Variants in CTNNA3 observed in about 807,000 individuals in gnomAD.
The protein encoded by CTNNA3 is catenin alpha-3.
In CTNNA3, 76 loss-of-function variants were observed where a neutral mutation model predicts 95.7. The observed-to-expected ratio is 0.79, with a 90% CI of 0.66 to 0.96. The LOEUF (loss-of-function observed/expected upper bound fraction) is 0.96, where lower values mean the gene tolerates loss of function less well. Among genes scored for constraint, CTNNA3 ranks in the 40% least tolerant of loss-of-function variants. CTNNA3 has a pLI of 0.00. For missense variants in CTNNA3, 1,191 were observed against 1,089.8 expected, an observed-to-expected ratio of 1.09 and a Z score of -1.31; for synonymous variants, 431 against 374.4, an observed-to-expected ratio of 1.15 and a Z score of -1.74.
chr10:66,366,123 C>G (rs2092709683), intron 12 of CTNNA3, among the ~76,000 whole-genome samples: 1 of 152,076 alleles, frequency 6.6e-6, no homozygotes, highest in South Asian at 2.1e-4. Flanking sequence ...AGGATAATGT[C>G]TGTTGCAGTT....
chr10:67,559,039 A>T (rs1841371333), intron 3 of CTNNA3, among the ~76,000 whole-genome samples: 1 of 152,214 alleles, frequency 6.6e-6, no homozygotes, highest in African/African-American at 2.4e-5. Flanking sequence ...CTGCCTCTGT[A>T]GGCTCCACCT....
intron 13 of CTNNA3, among the ~76,000 whole-genome samples, chr10:66,186,906 T>C: frequency 6.6e-6 from 1 of 152,186 alleles, no homozygotes; most frequent in Admixed American, 6.5e-5. Context: ...AGGTAATGTT[T>C]ATTAGAAAAA....
intron 9 of CTNNA3, among the ~76,000 whole-genome samples, chr10:66,736,105 T>C (rs1170267798): frequency 2.0e-5 from 3 of 152,198 alleles, no homozygotes; most frequent in Admixed American, 2.0e-4. Flanking sequence ...GCCTCTCTTA[T>C]TCAACGTGCT....
chr10:67,653,196 G>A (rs1839926788), intron 1 of CTNNA3, among the ~76,000 whole-genome samples: 1 of 152,006 alleles, frequency 6.6e-6, no homozygotes, highest in Non-Finnish European at 1.5e-5. Context: ...AGAGAGAGAG[G>A]TGCCACACAC....
chr10:67,356,090 GCAT>G (rs1275654383), intron 5 of CTNNA3, among the ~76,000 whole-genome samples: 5 of 151,978 alleles, frequency 3.3e-5, no homozygotes, highest in African/African-American at 9.7e-5. Context: ...TCTGGTCTAT[GCAT>G]CCTTAATTTC....
At chr10:66,919,346 A>T (rs1369846211) in intron 7 of CTNNA3, among the ~76,000 whole-genome samples, 1 of 152,154 alleles carries the variant, frequency 6.6e-6, no homozygotes, top group Non-Finnish European at 1.5e-5. Flanking sequence ...AAGAAAAAAA[A>T]GTATTTCCTT....
At chr10:67,592,320 G>GT (rs1842814108) in intron 3 of CTNNA3, among the ~76,000 whole-genome samples, 1 of 152,076 alleles carries the variant, frequency 6.6e-6, no homozygotes, top group African/African-American at 2.4e-5. Flanking sequence ...AGAATTTGCT[G>GT]AACTGCTGGA....
chr10:66,514,138 T>C lies in CTNNA3; in HGVS notation c.1531+6479A>G, dbSNP rs193089787. 7.2e-4 allele frequency among the ~76,000 whole-genome samples: 110 copies of C among 152,302 alleles called. 2 individuals are homozygous for C. The highest frequency in any genetic ancestry group is 2.4e-3 in the Admixed American group (36 of 15,288). The stretch of plus-strand genomic sequence containing the variant: ...ATGCTGAAAGTTATTTTTTCATAAT[T>C]TGAAGATTTTTTAAAATATTAATCC... On this transcript the variant is annotated intron_variant, in intron 11 of 17. Transcript: ENST00000433211.
At chr10:67,182,810 A>C (rs577269236) in intron 6 of CTNNA3, among the ~76,000 whole-genome samples, 6 of 152,360 alleles carry the variant, frequency 3.9e-5, no homozygotes, top group South Asian at 4.1e-4. Flanking sequence ...GCTAATATCC[A>C]GAATCTACAA....
intron 14 of CTNNA3, among the ~76,000 whole-genome samples, chr10:66,102,245 G>C (rs1446055372): frequency 6.6e-6 from 1 of 152,110 alleles, no homozygotes; most frequent in Non-Finnish European, 1.5e-5. Context: ...TGATGATCAT[G>C]ATAATCCTAC....
chr10:66,255,648 A>G (rs958858629), intron 13 of CTNNA3, among the ~76,000 whole-genome samples: 1 of 152,060 alleles, frequency 6.6e-6, no homozygotes. Flanking sequence ...CTCCCCATAA[A>G]CAGATACTTT....
intron 7 of CTNNA3, among the ~76,000 whole-genome samples, chr10:66,866,133 T>G (rs1844167909): frequency 6.6e-6 from 1 of 152,138 alleles, no homozygotes; most frequent in African/African-American, 2.4e-5. Flanking sequence ...TGACTTCACA[T>G]AGTCACAAAG....
intron 5 of CTNNA3, among the ~76,000 whole-genome samples, chr10:67,429,019 G>A (rs1478010743): frequency 1.3e-5 from 2 of 151,838 alleles, no homozygotes; most frequent in African/African-American, 4.8e-5. Context: ...CTAATACAGT[G>A]ACACTTTCTT....
At chr10:67,119,182 ATTTTTC>A (rs1488349925) in intron 7 of CTNNA3, among the ~76,000 whole-genome samples, 1 of 151,816 alleles carries the variant, frequency 6.6e-6, no homozygotes, top group Non-Finnish European at 1.5e-5. Flanking sequence ...GAGAGTGAGA[ATTTTTC>A]TTTTTCTTTT....
intron 7 of CTNNA3, among the ~76,000 whole-genome samples, chr10:66,948,413 C>T (rs1220327925): frequency 1.3e-5 from 2 of 152,174 alleles, no homozygotes; most frequent in African/African-American, 2.4e-5. Context: ...GACAAATGCA[C>T]TTGCGTAACA....
intron 1 of CTNNA3, among the ~76,000 whole-genome samples, chr10:67,749,762 C>T (rs185833791): frequency 6.6e-6 from 1 of 152,148 alleles, no homozygotes; most frequent in African/African-American, 2.4e-5. Context: ...TATAGAGAGG[C>T]AGGAGCAAAC....
At chr10:67,236,667 T>C (rs1589067992) in intron 5 of CTNNA3, among the ~76,000 whole-genome samples, 2 of 148,740 alleles carry the variant, frequency 1.3e-5, no homozygotes, top group Admixed American at 6.7e-5. Flanking sequence ...ATAATAATAA[T>C]AAATAAAAAA....
chr10:67,506,437 C>A (rs572360632), intron 5 of CTNNA3, among the ~76,000 whole-genome samples: 1 of 152,060 alleles, frequency 6.6e-6, no homozygotes, highest in African/African-American at 2.4e-5. Context: ...AAAATAAGTA[C>A]GCCTTAAAAA....
chr10:65,948,184 G>A (rs894342745), intron 17 of CTNNA3, among the ~76,000 whole-genome samples: 1 of 151,588 alleles, frequency 6.6e-6, no homozygotes, highest in South Asian at 2.1e-4. Flanking sequence ...GGGAGACTGA[G>A]GCAGGAGAAT....
Sources: allele counts gnomAD v4.1 joint callset (sites outside exome capture counted in the v4.1 genomes callset), GRCh38; gene constraint gnomAD v4.1.1; transcripts MANE v1.5; gene names NCBI Gene and HGNC (gene_info 2026-07-23, HGNC 2026-07-21).